Variants in NLGN4X observed in about 807,000 individuals in gnomAD.
NLGN4X encodes the protein neuroligin 4 X-linked.
NLGN4X carries 3 observed loss-of-function variants against 40.3 expected under a neutral mutation model. The observed-to-expected ratio is 0.07, with a 90% CI of 0.03 to 0.19. The LOEUF is 0.19. Among genes scored for constraint, NLGN4X ranks in the 10% least tolerant of loss-of-function variants. The pLI is 1.00. For synonymous variants in NLGN4X, 270 were observed against 306.8 expected (o/e 0.88, Z 1.25); for missense variants, 382 against 708.3 (o/e 0.54, Z 5.23).
chrX:6,082,474 G>A (rs928112345), intron 2 of NLGN4X, among the ~76,000 whole-genome samples: 10 of 110,795 alleles, frequency 9.0e-5, no homozygotes, highest in Non-Finnish European at 1.9e-4. Context: ...CCAGGAGGTC[G>A]AGGTTGCAGT....
chrX:6,032,877 A>G (rs769807205), intron 2 of NLGN4X: 166 of 376,371 alleles, frequency 4.4e-4, no homozygotes, highest in Admixed American at 8.7e-4. Flanking sequence ...TGTAACACAA[A>G]AAGTTGAAAT....
At position 6,078,528 on chromosome X, in the gene NLGN4X, G is replaced by A. The variant is rs763355996; in HGVS notation, c.473-49096C>T. On this transcript the variant is annotated intron_variant, in intron 2 of 5. Coordinates refer to ENST00000381095, the MANE Select transcript of NLGN4X (RefSeq NM_181332.3). ...CACTGCCAGGTTGGTTGCACTGGGG[G>A]AAGAAGGTACAGGGTGGTTTCCATG... Among the ~76,000 whole-genome samples, 6 of 111,336 alleles carry A rather than the reference G, an allele frequency of 5.4e-5. No individual in the cohort carries two copies. In the East Asian group the frequency reaches 1.7e-3, roughly 32 times the overall value.
chrX:6,219,979 A>T (rs946622752), intron 1 of NLGN4X, among the ~76,000 whole-genome samples: 1 of 110,318 alleles, frequency 9.1e-6, no homozygotes, highest in African/African-American at 3.3e-5. Context: ...GATTACTTTG[A>T]TTCGACAAAA....
intron 5 of NLGN4X, among the ~76,000 whole-genome samples, chrX:5,897,580 C>G (rs889291490): frequency 8.9e-6 from 1 of 111,908 alleles, no homozygotes; most frequent in Non-Finnish European, 1.9e-5. Flanking sequence ...CATTGAAACA[C>G]CTCCTTGCTA....
intron 3 of NLGN4X, among the ~76,000 whole-genome samples, chrX:6,024,075 A>G (rs1422758366): frequency 8.9e-6 from 1 of 112,306 alleles, no homozygotes; most frequent in Admixed American, 9.4e-5. Context: ...GTATTTATTG[A>G]TTCAGTAATG....
At chrX:6,054,750 C>T (rs1287030169) in intron 2 of NLGN4X, among the ~76,000 whole-genome samples, 4 of 111,069 alleles carry the variant, frequency 3.6e-5, no homozygotes, top group South Asian at 3.8e-4. Context: ...CTCCATCTCC[C>T]GGGTTCAAGC....
At chrX:6,090,922 G>C (rs920391962) in intron 2 of NLGN4X, among the ~76,000 whole-genome samples, 1 of 102,601 alleles carries the variant, frequency 9.7e-6, no homozygotes, top group Non-Finnish European at 1.9e-5. Context: ...CATGTCATGA[G>C]TGCCAAAGTT....
intron 1 of NLGN4X, among the ~76,000 whole-genome samples, chrX:6,210,536 G>A (rs1038153384): frequency 3.6e-5 from 4 of 111,687 alleles, no homozygotes; most frequent in Non-Finnish European, 5.6e-5. Context: ...GAGCTGTCAC[G>A]TAGCTGGCCA....
chrX:6,037,532 C>G (rs1325831610), intron 2 of NLGN4X, among the ~76,000 whole-genome samples: 1 of 110,691 alleles, frequency 9.0e-6, no homozygotes, highest in African/African-American at 3.3e-5. Context: ...GTGATCTTAT[C>G]TAAGCAAGAA....
chrX:6,217,348 A>G (rs767408782), intron 1 of NLGN4X, among the ~76,000 whole-genome samples: 29 of 112,217 alleles, frequency 2.6e-4, no homozygotes, highest in Admixed American at 2.2e-3. Context: ...TTGTGAAATG[A>G]CTAGACACAT....
chrX:6,073,721 GGC>G (rs1312952848), intron 2 of NLGN4X, among the ~76,000 whole-genome samples: 4 of 110,543 alleles, frequency 3.6e-5, no homozygotes, highest in Admixed American at 9.7e-5. Flanking sequence ...GCAAAATGAG[GGC>G]ACAGAGTGAA....
intron 2 of NLGN4X, among the ~76,000 whole-genome samples, chrX:6,031,024 A>G (rs965461314): frequency 8.9e-6 from 1 of 112,152 alleles, no homozygotes; most frequent in Admixed American, 9.5e-5. Flanking sequence ...ACCTTTCATA[A>G]AATATAGAAC....
intron 3 of NLGN4X, among the ~76,000 whole-genome samples, chrX:5,928,725 C>T (rs888778994): frequency 9.8e-5 from 11 of 111,872 alleles, no homozygotes; most frequent in Non-Finnish European, 1.9e-4. Flanking sequence ...CCCCTTGGTG[C>T]CCTTCCAACC....
Position 5,902,520 on chromosome X carries a change from CA to C in NLGN4X, c.1601+556del, listed in dbSNP as rs778313282. 2.7e-3 allele frequency among the ~76,000 whole-genome samples: 273 copies of C among 101,592 alleles called. 1 individual carries two copies. The highest frequency in any genetic ancestry group is 7.3e-3 in the Admixed American group (70 of 9,531). 88.2% of individuals were successfully genotyped at this position (101,592 alleles called of 115,157 possible). ...CAACAGAGTGAGACCCTCTTTCTAC[CA>C]AAAAAAAAAAATTAAAAATTAGCCA... On this transcript the variant is annotated intron_variant, in intron 5 of 5. Coordinates refer to ENST00000381095, the MANE Select transcript of NLGN4X (RefSeq NM_181332.3).
At chrX:6,082,788 G>A (rs1472299991) in intron 2 of NLGN4X, among the ~76,000 whole-genome samples, 1 of 108,729 alleles carries the variant, frequency 9.2e-6, no homozygotes, top group Non-Finnish European at 1.9e-5. Flanking sequence ...AGGGAACTGT[G>A]AGCTGTTTGT....
intron 3 of NLGN4X, among the ~76,000 whole-genome samples, chrX:5,947,765 A>G (rs775136110): frequency 7.1e-4 from 79 of 111,737 alleles, no homozygotes; most frequent in African/African-American, 2.4e-3. Context: ...TGTGAGATGT[A>G]TATTATGCAC....
chrX:6,107,572 T>C (rs1220432182), intron 2 of NLGN4X, among the ~76,000 whole-genome samples: 8 of 111,611 alleles, frequency 7.2e-5, no homozygotes. Context: ...TAATTTGGAT[T>C]CAGGGGTGCA....
At chrX:5,961,981 C>G (rs1427234393) in intron 3 of NLGN4X, among the ~76,000 whole-genome samples, 1 of 111,908 alleles carries the variant, frequency 8.9e-6, no homozygotes, top group Non-Finnish European at 1.9e-5. Context: ...CACATTCAGT[C>G]TCATTTCCCT....
intron 1 of NLGN4X, among the ~76,000 whole-genome samples, chrX:6,168,627 T>C (rs932703542): frequency 6.3e-5 from 7 of 111,608 alleles, no homozygotes; most frequent in Non-Finnish European, 1.3e-4. Flanking sequence ...GGGTGTGCCA[T>C]CATGTCCAGC....
Sources: gnomAD v4.1 joint callset for allele counts (sites outside exome capture counted in the v4.1 genomes callset) on GRCh38, gnomAD v4.1.1 for gene constraint, MANE v1.5 for transcripts, NCBI Gene and HGNC (gene_info 2026-07-23, HGNC 2026-07-21) for gene names.